PARD3B: variants seen among roughly 807,000 people sequenced by gnomAD.
PARD3B encodes par-3 family cell polarity regulator beta, also known as partitioning defective 3 homolog B.
In PARD3B, 103 loss-of-function variants were observed where a neutral mutation model predicts 130.2. The observed-to-expected ratio is 0.79, with a 90% confidence interval of 0.67 to 0.93. PARD3B has a LOEUF of 0.93. Ranked by LOEUF, PARD3B falls within the 40% of genes least tolerant of loss-of-function variation. The probability of loss-of-function intolerance (pLI) is 0.00; values close to 1 mark genes in which losing one functional copy is unlikely to be tolerated. For missense variants in PARD3B, 1,609 were observed against 1,499.2 expected (o/e 1.07, Z -1.21); for synonymous variants, 583 against 553.2 (o/e 1.05, Z -0.76).
At chr2:205,555,384 A>G (rs2052836124) in intron 22 of PARD3B, among the ~76,000 whole-genome samples, 1 of 152,214 alleles carries the variant, frequency 6.6e-6, no homozygotes. Context: ...AAAGGAGTCA[A>G]GCAAATCAGC....
chr2:205,315,789 G>A (rs959594741), intron 18 of PARD3B, among the ~76,000 whole-genome samples: 1 of 152,088 alleles, frequency 6.6e-6, no homozygotes, highest in Non-Finnish European at 1.5e-5. Context: ...TAGAATGACC[G>A]TCTTCCCCTG....
chr2:205,157,122 G>A (rs1176389684), intron 10 of PARD3B, among the ~76,000 whole-genome samples: 1 of 152,048 alleles, frequency 6.6e-6, no homozygotes, highest in Non-Finnish European at 1.5e-5. Context: ...TCTTTAATTT[G>A]CACTTTAATT....
chr2:205,127,109 A>G (rs922810900), intron 10 of PARD3B, among the ~76,000 whole-genome samples: 1 of 151,980 alleles, frequency 6.6e-6, no homozygotes, highest in Non-Finnish European at 1.5e-5. Flanking sequence ...AAACCTGACC[A>G]GTATGGTGAA....
At chr2:204,592,494 A>G (rs566598391) in intron 1 of PARD3B, among the ~76,000 whole-genome samples, 1 of 152,350 alleles carries the variant, frequency 6.6e-6, no homozygotes, top group East Asian at 1.9e-4. Context: ...TAAATAAAAT[A>G]GGCAGCTATA....
At chr2:204,608,406 TG>T (rs1053795254) in intron 1 of PARD3B, among the ~76,000 whole-genome samples, 13 of 152,124 alleles carry the variant, frequency 8.5e-5, no homozygotes, top group Admixed American at 6.5e-5. Flanking sequence ...TTAGTGTGTG[TG>T]GGTGGCTGTG....
chr2:204,701,791 C>A (rs1006341670), intron 2 of PARD3B, among the ~76,000 whole-genome samples: 1 of 151,408 alleles, frequency 6.6e-6, no homozygotes, highest in Non-Finnish European at 1.5e-5. Context: ...GGTTTGTTAC[C>A]CGAGTATATT....
At chr2:204,747,571 GA>G (rs1358333848) in intron 2 of PARD3B, among the ~76,000 whole-genome samples, 2 of 151,952 alleles carry the variant, frequency 1.3e-5, no homozygotes, top group Non-Finnish European at 2.9e-5. Context: ...CACGTAATTG[GA>G]AAAACCCAAA....
At position 204,689,664 on chromosome 2, in the gene PARD3B, G is replaced by A. The variant is rs1269523624; in HGVS notation, c.222+3382G>A. ...TGTCTTTGGCCCTTATTTATTCTACGTTATTTTAAAGCAATCCTGAAGACA... is the reference window on the plus strand; with the variant it reads ...TGTCTTTGGCCCTTATTTATTCTACATTATTTTAAAGCAATCCTGAAGACA... On this transcript the variant is annotated intron_variant, in intron 2 of 22. Transcript: ENST00000406610. This position sits in a 1 kb window ranked among gnomAD's most constrained non-coding sequence, Gnocchi z 5.2. Among the ~76,000 whole-genome samples the A allele has an allele frequency of 1.3e-5, 2 of 151,998 alleles. No individual in the cohort carries two copies. Among genetic ancestry groups the A allele is most frequent in the Non-Finnish European group, 1.5e-5 (1 of 67,990 alleles).
chr2:204,824,353 C>A (rs575218100), intron 2 of PARD3B, among the ~76,000 whole-genome samples: 2 of 152,274 alleles, frequency 1.3e-5, no homozygotes, highest in African/African-American at 4.8e-5. Context: ...TACCAAAGAT[C>A]ACAGCTCAAA....
intron 2 of PARD3B, among the ~76,000 whole-genome samples, chr2:204,815,944 A>G (rs2043131015): frequency 6.6e-6 from 1 of 151,994 alleles, no homozygotes; most frequent in Non-Finnish European, 1.5e-5. Context: ...ACATTGTTTG[A>G]TAGATACCAA....
In PARD3B at chr2:205,280,317, G is replaced by GA. The variant is rs1181949686; in HGVS notation, c.2186-20206dup. Among the ~76,000 whole-genome samples the GA allele has an allele frequency of 6.6e-6, 1 of 152,088 alleles. No homozygotes were observed. Among genetic ancestry groups the GA allele is most frequent in the African/African-American group, 2.4e-5 (1 of 41,412 alleles). ...TGTGCCTTGGATAATGTTAAGTGAA[G>GA]AAAAAAATCATCAAAGGGATCATCT... On this transcript the variant is annotated intron_variant, in intron 16 of 22. Transcript: ENST00000406610. The surrounding 1 kb of genome is among the most constrained non-coding windows in gnomAD (Gnocchi z 4.7).
intron 10 of PARD3B, among the ~76,000 whole-genome samples, chr2:205,152,020 A>G (rs1195988786): frequency 6.6e-6 from 1 of 152,128 alleles, no homozygotes; most frequent in African/African-American, 2.4e-5. Context: ...TCACTTATGA[A>G]GCTTAGTTTG....
At chr2:205,180,110 T>G (rs945191525) in intron 13 of PARD3B, among the ~76,000 whole-genome samples, 1 of 151,856 alleles carries the variant, frequency 6.6e-6, no homozygotes, top group Non-Finnish European at 1.5e-5. Flanking sequence ...TGTTTCTCTT[T>G]CTTCCAAAGT....
intron 1 of PARD3B, among the ~76,000 whole-genome samples, chr2:204,683,310 C>T (rs1158953805): frequency 1.3e-5 from 2 of 152,094 alleles, no homozygotes; most frequent in Non-Finnish European, 2.9e-5. Flanking sequence ...AGTTAAGTGT[C>T]ATAATCATAA....
intron 18 of PARD3B, among the ~76,000 whole-genome samples, chr2:205,329,406 T>C (rs776040056): frequency 6.6e-6 from 1 of 152,238 alleles, no homozygotes; most frequent in Non-Finnish European, 1.5e-5. Flanking sequence ...TCACATATGG[T>C]AAGACATTAG....
rs115068745 is a variant in PARD3B at position 205,507,581 on chromosome 2, C to T, written c.3180+7550C>T. ...TGGAACTAGACAGTGAAGTCAAGTC[C>T]ACCCAGACTCCATAAATAAGGATAG... On this transcript the variant is annotated intron_variant, in intron 21 of 22. Transcript: ENST00000406610. Among the ~76,000 whole-genome samples the T allele has an allele frequency of 5.7e-3, 869 of 152,056 alleles. 5 individuals are homozygous for T. The highest frequency in any genetic ancestry group is 0.02 in the African/African-American group (818 of 41,464).
chr2:205,135,557 T>C (rs1243698559), intron 10 of PARD3B, among the ~76,000 whole-genome samples: 1 of 138,664 alleles, frequency 7.2e-6, no homozygotes, highest in Non-Finnish European at 1.5e-5. Context: ...TTAAAGAATA[T>C]CAGCTTAAGA....
chr2:204,668,655 A>T (rs901868215), intron 1 of PARD3B, among the ~76,000 whole-genome samples: 12 of 152,322 alleles, frequency 7.9e-5, no homozygotes, highest in Admixed American at 7.8e-4. Flanking sequence ...GAATATTCTT[A>T]GTGCTGTTAA....
At chr2:205,313,389 G>A (rs147402450) in intron 18 of PARD3B, among the ~76,000 whole-genome samples, 192 of 152,226 alleles carry the variant, frequency 1.3e-3, no homozygotes, top group African/African-American at 4.3e-3. Context: ...TTGAGCACAT[G>A]TTCATGGAGG....
Sources: allele counts gnomAD v4.1 joint callset (sites outside exome capture counted in the v4.1 genomes callset), GRCh38; gene constraint gnomAD v4.1.1; non-coding constraint Gnocchi (gnomAD v3.1); transcripts MANE v1.5; gene names NCBI Gene and HGNC (gene_info 2026-07-23, HGNC 2026-07-21).